Variants in SAMD5 observed in about 807,000 individuals in gnomAD.
SAMD5 encodes sterile alpha motif domain-containing protein 5.
SAMD5 carries 13 observed loss-of-function variants against 11.3 expected under a neutral mutation model. That is an observed-to-expected ratio of 1.15 (90% CI 0.75 to 1.83). The LOEUF is 1.83. Ranked by LOEUF, SAMD5 falls within the 40% of genes most tolerant of loss-of-function variation. The probability of loss-of-function intolerance (pLI) is 0.00; values close to 1 mark genes in which losing one functional copy is unlikely to be tolerated. For synonymous variants in SAMD5, 129 were observed against 111.3 expected (o/e 1.16, Z -1.00); for missense variants, 255 against 239.1 (o/e 1.07, Z -0.44).
the SAMD5 span, among the ~76,000 whole-genome samples, chr6:147,949,641 T>A: frequency 6.6e-6 from 1 of 152,232 alleles, no homozygotes. Flanking sequence ...GTTATTTTTC[T>A]TATTAAAAAA....
intron 1 of SAMD5, among the ~76,000 whole-genome samples, chr6:147,616,444 A>C (rs1436876061): frequency 6.6e-6 from 1 of 151,850 alleles, no homozygotes; most frequent in Non-Finnish European, 1.5e-5. Context: ...CTCGGTCACT[A>C]TGACCTGCCA....
intron 1 of SAMD5, among the ~76,000 whole-genome samples, chr6:147,648,862 C>T (rs541762948): frequency 1.3e-5 from 2 of 152,338 alleles, no homozygotes; most frequent in South Asian, 4.1e-4. Context: ...AATGATGCTT[C>T]ACTATATACA....
chr6:147,848,036 A>C, the SAMD5 span, among the ~76,000 whole-genome samples: 1 of 152,160 alleles, frequency 6.6e-6, no homozygotes, highest in Admixed American at 6.5e-5. Flanking sequence ...TCTCCATAAA[A>C]TTATTTTTCC....
chr6:147,833,684 T>A, the SAMD5 span, among the ~76,000 whole-genome samples: 1 of 152,244 alleles, frequency 6.6e-6, no homozygotes, highest in African/African-American at 2.4e-5. Context: ...CCTGTGTATG[T>A]AAACATAGTT....
the SAMD5 span, among the ~76,000 whole-genome samples, chr6:147,852,478 C>T: frequency 3.8e-4 from 58 of 152,104 alleles, no homozygotes; most frequent in African/African-American, 1.3e-3. Flanking sequence ...TTTCAGTAAA[C>T]TCTTGGTACC....
At chr6:147,701,880 C>T (rs961558984) in intron 1 of SAMD5, among the ~76,000 whole-genome samples, 1 of 152,058 alleles carries the variant, frequency 6.6e-6, no homozygotes, top group Admixed American at 6.6e-5. Flanking sequence ...GGAGAAAATT[C>T]ATCTAGGACT....
chr6:147,607,444 G>C (rs1429768103), intron 1 of SAMD5, among the ~76,000 whole-genome samples: 1 of 152,140 alleles, frequency 6.6e-6, no homozygotes, highest in Non-Finnish European at 1.5e-5. Flanking sequence ...TAGAGCTATA[G>C]TAACCAAAAC....
chr6:147,857,086 T>G, the SAMD5 span, among the ~76,000 whole-genome samples: 1 of 151,756 alleles, frequency 6.6e-6, no homozygotes, highest in Non-Finnish European at 1.5e-5. Flanking sequence ...AGCAGACAAC[T>G]ACTACCAGAT....
chr6:147,698,182 C>G (rs1791204752), intron 1 of SAMD5, among the ~76,000 whole-genome samples: 1 of 152,096 alleles, frequency 6.6e-6, no homozygotes, highest in Non-Finnish European at 1.5e-5. Flanking sequence ...GCTGTGTGGC[C>G]TGGTTCCTAA....
intron 1 of SAMD5, among the ~76,000 whole-genome samples, chr6:147,709,259 T>C (rs1437304443): frequency 6.6e-6 from 1 of 152,236 alleles, no homozygotes; most frequent in East Asian, 1.9e-4. Context: ...CTTATAAAAA[T>C]GTCAGGATTG....
At chr6:147,827,300 AGAAG>A in the SAMD5 span, among the ~76,000 whole-genome samples, 7 of 152,110 alleles carry the variant, frequency 4.6e-5, no homozygotes, top group African/African-American at 1.2e-4. Flanking sequence ...ATACACAGAA[AGAAG>A]GAAGGAAGGA....
At chr6:147,534,143 G>T (rs144581945) in intron 1 of SAMD5, among the ~76,000 whole-genome samples, 183 of 152,330 alleles carry the variant, frequency 1.2e-3, no homozygotes, top group African/African-American at 3.8e-3. Context: ...AGAGGAATGT[G>T]GAGTTCAGAA....
At chr6:147,828,323 A>G in the SAMD5 span, among the ~76,000 whole-genome samples, 24 of 152,160 alleles carry the variant, frequency 1.6e-4, no homozygotes, top group Non-Finnish European at 2.8e-4. Flanking sequence ...CTGCCCTTGC[A>G]AAAAAAAGGA....
intron 1 of SAMD5, among the ~76,000 whole-genome samples, chr6:147,591,866 G>A (rs1368125205): frequency 6.6e-6 from 1 of 152,076 alleles, no homozygotes; most frequent in East Asian, 1.9e-4. Flanking sequence ...CCTTCTCAGA[G>A]TTCCTGTGCC....
At chr6:147,786,300 A>G in the SAMD5 span, among the ~76,000 whole-genome samples, 1 of 152,210 alleles carries the variant, frequency 6.6e-6, no homozygotes, top group Admixed American at 6.5e-5. Context: ...TAAACATTCC[A>G]TAATAATCTA....
At chr6:147,861,910 A>G in the SAMD5 span, among the ~76,000 whole-genome samples, 1 of 152,208 alleles carries the variant, frequency 6.6e-6, no homozygotes, top group African/African-American at 2.4e-5. Context: ...AGAGCAGCCC[A>G]GCTGAGCATA....
intron 1 of SAMD5, among the ~76,000 whole-genome samples, chr6:147,563,123 C>T (rs569714014): frequency 6.6e-6 from 1 of 152,212 alleles, no homozygotes; most frequent in Non-Finnish European, 1.5e-5. Flanking sequence ...AAAGAAACTT[C>T]GTAAGCCTGG....
chr6:147,801,689 C>T, the SAMD5 span, among the ~76,000 whole-genome samples: 6 of 152,262 alleles, frequency 3.9e-5, no homozygotes, highest in Admixed American at 6.5e-5. Context: ...TCTACCTGGA[C>T]TTCCCAAACT....
chr6:147,535,803 G>T (rs919883085), intron 1 of SAMD5, among the ~76,000 whole-genome samples: 1 of 152,082 alleles, frequency 6.6e-6, no homozygotes, highest in African/African-American at 2.4e-5. Flanking sequence ...ATAATCTGGG[G>T]TTCCTAGGCC....
Sources: allele counts gnomAD v4.1 joint callset (sites outside exome capture counted in the v4.1 genomes callset), GRCh38; gene constraint gnomAD v4.1.1; transcripts MANE v1.5; gene names NCBI Gene and HGNC (gene_info 2026-07-23, HGNC 2026-07-21).